Variants in RNF216 observed in about 807,000 individuals in gnomAD.
RNF216 encodes E3 ubiquitin-protein ligase RNF216.
A neutral mutation model predicts 110.8 loss-of-function variants in RNF216; 72 were observed. That is an observed-to-expected ratio of 0.65 (90% CI 0.54 to 0.79). The LOEUF is 0.79. Ranked by LOEUF, RNF216 falls within the 30% of genes least tolerant of loss-of-function variation. RNF216 has a pLI of 0.00. For missense variants in RNF216, 1,342 were observed against 1,141.2 expected (o/e 1.18, Z -2.54); for synonymous variants, 495 against 407.5 (o/e 1.21, Z -2.59).
chr7:5,671,713 G>GCTTCC (rs1789923693), intron 13 of RNF216, among the ~76,000 whole-genome samples: 1 of 148,888 alleles, frequency 6.7e-6, no homozygotes, highest in East Asian at 2.0e-4. Context: ...GCTGAGGCAG[G>GCTTCC]AGAATCTCTT....
chr7:5,742,054 T>C (rs1320259687), intron 3 of RNF216, among the ~76,000 whole-genome samples: 1 of 152,208 alleles, frequency 6.6e-6, no homozygotes, highest in Non-Finnish European at 1.5e-5. Context: ...TTATAATTTA[T>C]TTTTATTTTT....
At chr7:5,742,457 T>A (rs78459020) in intron 3 of RNF216, among the ~76,000 whole-genome samples, 1 of 151,694 alleles carries the variant, frequency 6.6e-6, no homozygotes, top group Non-Finnish European at 1.5e-5. Context: ...AAAAAACATA[T>A]AAAAAAATCT....
chr7:5,769,930 GAC>G (rs1796405220), intron 1 of RNF216, among the ~76,000 whole-genome samples: 2 of 131,192 alleles, frequency 1.5e-5, no homozygotes, highest in African/African-American at 5.8e-5. Context: ...AGGAGGCTGA[GAC>G]AGAGGAATCA....
intron 15 of RNF216, among the ~76,000 whole-genome samples, chr7:5,633,607 G>T (rs1351173427): frequency 6.6e-6 from 1 of 151,984 alleles, no homozygotes; most frequent in East Asian, 1.9e-4. Flanking sequence ...ACAAAAACAA[G>T]GAAATAAGCG....
Position 5,745,482 on chromosome 7 carries a change from G to C in RNF216, c.202-3667C>G, listed in dbSNP as rs11764855. On this transcript the variant is annotated intron_variant, in intron 3 of 16. Coordinates refer to ENST00000389902, the MANE Select transcript of RNF216 (RefSeq NM_207111.4). The stretch of plus-strand genomic sequence containing the variant: ...TTGAGGAAGTACCGTAATATAATTA[G>C]ACACGTGAAAGAAGCATAAAAATTG... Among the ~76,000 whole-genome samples, 860 of 152,270 alleles carry C rather than the reference G, an allele frequency of 5.6e-3. 4 individuals are homozygous for C. Among genetic ancestry groups the C allele is most frequent in the Non-Finnish European group, 8.9e-3 (605 of 68,028 alleles).
intron 8 of RNF216, among the ~76,000 whole-genome samples, chr7:5,724,661 T>A (rs1213933700): frequency 6.6e-6 from 1 of 152,158 alleles, no homozygotes; most frequent in Non-Finnish European, 1.5e-5. Context: ...CTTTCCAGCT[T>A]TATAGTTACC....
intron 11 of RNF216, among the ~76,000 whole-genome samples, chr7:5,714,373 C>T (rs185864323): frequency 3.9e-5 from 6 of 152,330 alleles, no homozygotes; most frequent in Admixed American, 2.6e-4. Flanking sequence ...ATTCTCCTGC[C>T]TCAGCCTCCC....
intron 1 of RNF216, among the ~76,000 whole-genome samples, chr7:5,773,268 A>C (rs1796597859): frequency 6.7e-6 from 1 of 150,118 alleles, no homozygotes; most frequent in Non-Finnish European, 1.5e-5. Context: ...TTTGAGACAG[A>C]GTCTCCCACT....
At chr7:5,745,806 G>A (rs1415241587) in intron 3 of RNF216, among the ~76,000 whole-genome samples, 1 of 150,924 alleles carries the variant, frequency 6.6e-6, no homozygotes, top group African/African-American at 2.4e-5. Flanking sequence ...GGAGGCTGAG[G>A]CAGGATAATT....
intron 15 of RNF216, among the ~76,000 whole-genome samples, chr7:5,628,892 C>T (rs1210062873): frequency 6.6e-6 from 1 of 152,070 alleles, no homozygotes; most frequent in Non-Finnish European, 1.5e-5. Flanking sequence ...ATTTGAAATT[C>T]CTCAAGTCAA....
Position 5,621,565 on chromosome 7 carries a change from G to A in RNF216, c.*1295C>T, listed in dbSNP as rs1178554164. 6.6e-6 allele frequency: 1 copy of A among 152,292 alleles called. No homozygotes were observed. The highest frequency in any genetic ancestry group is 1.5e-5 in the Non-Finnish European group (1 of 68,086). 9.4% of individuals were successfully genotyped at this position (152,292 alleles called of 1,614,324 possible). A position where few individuals can be genotyped will look rare whatever the true frequency, so the allele number is the denominator to read the frequency against. On this transcript the variant is annotated 3_prime_UTR_variant, in exon 17 of 17. Coordinates refer to ENST00000389902, the MANE Select transcript of RNF216 (RefSeq NM_207111.4). ...TTGGGTGGGCCAGGCCCTGCTTCAGGAGGTGGCGGGCCACTCCGGAGACTG... is the reference window on the plus strand; with the variant it reads ...TTGGGTGGGCCAGGCCCTGCTTCAGAAGGTGGCGGGCCACTCCGGAGACTG...
At chr7:5,660,362 G>T (rs1035872683) in intron 13 of RNF216, among the ~76,000 whole-genome samples, 6 of 125,436 alleles carry the variant, frequency 4.8e-5, no homozygotes, top group African/African-American at 1.8e-4. Flanking sequence ...CGCAATCTCG[G>T]CTCACTGCAA....
In RNF216 at chr7:5,621,901, G is replaced by C. The variant is rs1447832447; in HGVS notation, c.*959C>G. 1 of 152,570 alleles carries C rather than the reference G, an allele frequency of 6.6e-6. No homozygotes were observed. Among genetic ancestry groups the C allele is most frequent in the Non-Finnish European group, 1.5e-5 (1 of 68,376 alleles). The allele number at this position is 152,570 out of a possible 1,614,324, so 9.5% of individuals were successfully genotyped here. A position where few individuals can be genotyped will look rare whatever the true frequency, so the allele number is the denominator to read the frequency against. ...ACCTTCACATGGGGGATACTGGACA[G>C]CACCCTCTACCTGCCTTCAGCAACC... On this transcript the variant is annotated 3_prime_UTR_variant, in exon 17 of 17. Transcript: ENST00000389902.
chr7:5,729,034 C>A (rs1793928976), intron 7 of RNF216, among the ~76,000 whole-genome samples: 1 of 152,232 alleles, frequency 6.6e-6, no homozygotes, highest in South Asian at 2.1e-4. Flanking sequence ...TGAGGGGGCA[C>A]TGCTGTGTTC....
At chr7:5,655,485 CTGAGGCAATCCCTG>C (rs373574460) in intron 13 of RNF216, among the ~76,000 whole-genome samples, 2,646 of 152,192 alleles carry the variant, frequency 0.017, 33 homozygotes, top group Non-Finnish European at 0.028. Flanking sequence ...GTAATCCCAG[CTGAGGCAATCCCTG>C]TGAGGCTGAG....
intron 5 of RNF216, among the ~76,000 whole-genome samples, chr7:5,735,087 A>C (rs1246648286): frequency 6.6e-6 from 1 of 152,102 alleles, no homozygotes; most frequent in African/African-American, 2.4e-5. Context: ...CGGAGGTTGC[A>C]GTGAGCCAGG....
Position 5,721,088 on chromosome 7 carries a change from G to A in RNF216, c.1589C>T (p.Pro530Leu). Residue 530 changes from proline to leucine, a missense_variant, in exon 9 of 17, where the codon CCA becomes CTA. Transcript: ENST00000389902. ...GAACTCCTGCTCTTGTTGCACAGCT[G>A]GAAGGAGAGCACGTCGGTCATAGGA... ...CRSYDRRALL[P>L]AVQQEQEFYE... is the part of the protein sequence containing the mutation. 1 of 1,614,058 alleles carries A rather than the reference G, an allele frequency of 6.2e-7. No homozygotes were observed.
chr7:5,661,000 G>C (rs2128585453), intron 13 of RNF216, among the ~76,000 whole-genome samples: 1 of 141,098 alleles, frequency 7.1e-6, no homozygotes, highest in African/African-American at 2.8e-5. Context: ...ACCCAGGCTG[G>C]AGTAAATTCC....
chr7:5,637,068 G>C (rs763229316), intron 15 of RNF216, among the ~76,000 whole-genome samples: 21 of 152,110 alleles, frequency 1.4e-4, no homozygotes, highest in Non-Finnish European at 2.6e-4. Flanking sequence ...ACTGCCTGTG[G>C]AGCTCTTCAT....
Sources: allele counts gnomAD v4.1 joint callset (sites outside exome capture counted in the v4.1 genomes callset), GRCh38; gene constraint gnomAD v4.1.1; transcripts MANE v1.5; gene names NCBI Gene and HGNC (gene_info 2026-07-23, HGNC 2026-07-21).